The following ZNF280A variants were observed in gnomAD, a reference collection of about 807,000 sequenced individuals.
The protein encoded by ZNF280A is zinc finger protein 280A.
Under a neutral mutation model 35.9 loss-of-function variants are expected in ZNF280A, and 26 were observed. The observed-to-expected ratio is 0.72, with a 90% CI of 0.53 to 1.01. ZNF280A has a LOEUF of 1.01. Among genes scored for constraint, ZNF280A ranks in the 50% least tolerant of loss-of-function variants. The pLI, the probability that ZNF280A is intolerant of heterozygous loss-of-function variation, is 0.00. For synonymous variants in ZNF280A, 231 were observed against 232.9 expected (o/e 0.99, Z 0.07); for missense variants, 654 against 652.0 (o/e 1.00, Z -0.03).
chr22:22,518,282 A>C (rs361830), intron 1 of ZNF280A, among the ~76,000 whole-genome samples: 76,130 of 151,602 alleles, frequency 0.5, 21,306 homozygotes, highest in African/African-American at 0.74. Flanking sequence ...AGCTGACAGC[A>C]CACTAAACTT....
Position 22,515,149 on chromosome 22 carries a change from C to A in ZNF280A, c.482G>T (p.Ser161Ile). The change falls in exon 2 of 2, where the codon AGT becomes ATT. Residue 161 changes from serine to isoleucine, a missense_variant. Transcript: ENST00000302097. ...GGAAAGTCGCTTTGAATCAGGAGAA[C>A]TCTCATTTCTGCCTCCTCCAGAGAC... ...AMVSGGGRNE[S>I]SPDSKRLSTS... 1 of 1,613,904 alleles carries A rather than the reference C, an allele frequency of 6.2e-7. No individual in the cohort carries two copies.
chr22:22,517,586 A>ACCG (rs2062086977), intron 1 of ZNF280A, among the ~76,000 whole-genome samples: 1 of 151,604 alleles, frequency 6.6e-6, no homozygotes, highest in Non-Finnish European at 1.5e-5. Context: ...TCACCTTACC[A>ACCG]CAAGGGATAG....
In ZNF280A at chr22:22,514,148, GAAT is replaced by G. The variant is rs1447147741; in HGVS notation, c.1480_1482del (p.Ile494del). The G allele has an allele frequency of 4.3e-6, 7 of 1,613,876 alleles. No homozygotes were observed. The highest frequency in any genetic ancestry group is 1.3e-5 in the African/African-American group (1 of 74,970). On this transcript the variant is annotated inframe_deletion, in exon 2 of 2. Coordinates refer to ENST00000302097, the MANE Select transcript of ZNF280A (RefSeq NM_080740.5). The stretch of plus-strand genomic sequence containing the variant: ...CTTGATCCTGGCTGAACTGAAGTTT[GAAT>G]AATAACTTTTGTTTCACTAGGCAAC...
At chr22:22,517,169 G>C (rs1377119405) in intron 1 of ZNF280A, among the ~76,000 whole-genome samples, 2 of 151,838 alleles carry the variant, frequency 1.3e-5, no homozygotes, top group Non-Finnish European at 2.9e-5. Flanking sequence ...CACTTTGTAA[G>C]GCCAAGGCGG....
In ZNF280A at chr22:22,514,328, C is replaced by T; in HGVS notation, c.1303G>A (p.Ala435Thr). Residue 435 changes from alanine to threonine, a missense_variant, in exon 2 of 2, where the codon GCA becomes ACA. Ala to Thr is a moderately conservative substitution (Grantham distance 58). Transcript: ENST00000302097. ...CLFCLKLFKT[A>T]IPYMNHCWRH... ...CAACAATGATTCATGTATGGTATTGCAGTTTTGAAAAGTTTGAGACAAAAC... is the reference window on the plus strand; with the variant it reads ...CAACAATGATTCATGTATGGTATTGTAGTTTTGAAAAGTTTGAGACAAAAC... The T allele has an allele frequency of 6.2e-7, 1 of 1,613,914 alleles. No individual in the cohort carries two copies. Among genetic ancestry groups the T allele is most frequent in the Non-Finnish European group, 8.5e-7 (1 of 1,179,978 alleles).
chr22:22,515,115 A>G lies in ZNF280A; in HGVS notation c.516T>C (p.Asp172=), dbSNP rs76383811. The change falls in exon 2 of 2, where the codon GAT becomes GAC. Residue 172 remains aspartate (D), a synonymous_variant. Coordinates refer to ENST00000302097, the MANE Select transcript of ZNF280A (RefSeq NM_080740.5). ...SPDSKRLSTS[D]INSRDSKRVK... ...CCCTTTTGGAATCTCTGCTGTTTATATCTGAAGTGGAAAGTCGCTTTGAAT... is the reference window on the plus strand; with the variant it reads ...CCCTTTTGGAATCTCTGCTGTTTATGTCTGAAGTGGAAAGTCGCTTTGAAT... 3.4e-3 allele frequency: 5,511 copies of G among 1,613,906 alleles called. 197 individuals carry two copies. In the East Asian group the frequency reaches 0.081, roughly 24 times the overall value.
At chr22:22,518,335 C>T (rs2062098632) in intron 1 of ZNF280A, among the ~76,000 whole-genome samples, 1 of 151,906 alleles carries the variant, frequency 6.6e-6, no homozygotes, top group South Asian at 2.1e-4. Context: ...TTTTGGCAAA[C>T]AATGGTTTAA....
In ZNF280A at chr22:22,514,868, T is replaced by C; in HGVS notation, c.763A>G (p.Ile255Val). The change falls in exon 2 of 2, where the codon ATT (isoleucine) becomes GTT (valine). Residue 255 changes from isoleucine to valine, a missense_variant. By Grantham distance (29) the Ile-to-Val change is conservative. Transcript: ENST00000302097. ...ASESALAMTD[I>V]SSLASQNKTF... ...TTGTTTTGACTTGCTAGACTTGAAA[T>C]GTCTGTCATTGCCAGGGCAGACTCA... 1 of 1,613,792 alleles carries C rather than the reference T, an allele frequency of 6.2e-7. No homozygotes were observed. Among genetic ancestry groups the C allele is most frequent in the South Asian group, 1.1e-5 (1 of 91,062 alleles).
chr22:22,514,584 T>G lies in ZNF280A; in HGVS notation c.1047A>C (p.Leu349=). 6.2e-7 allele frequency: 1 copy of G among 1,613,952 alleles called. No individual in the cohort carries two copies. Among genetic ancestry groups the G allele is most frequent in the Admixed American group, 1.7e-5 (1 of 60,000 alleles). The change falls in exon 2 of 2, where the codon CTA becomes CTC. Residue 349 remains leucine (L), a synonymous_variant. Transcript: ENST00000302097. Reference sequence around the variant, plus strand: ...TGTGTACACTATCAATGTGACACTGTAGCTGGAAGGGAGTGGGAAACTGCC... The same window carrying G: ...TGTGTACACTATCAATGTGACACTGGAGCTGGAAGGGAGTGGGAAACTGCC... ...CHRQFPTPFQ[L]QCHIDSVHIA... is the part of the protein sequence containing the mutation.
intron 1 of ZNF280A, among the ~76,000 whole-genome samples, chr22:22,519,676 G>A (rs1383574346): frequency 6.6e-6 from 1 of 151,834 alleles, no homozygotes; most frequent in Non-Finnish European, 1.5e-5. Context: ...GTACCATAAG[G>A]GTTAATTGAA....
chr22:22,514,756 T>C lies in ZNF280A; in HGVS notation c.875A>G (p.Gln292Arg). ...GQHKGDGQPE[Q>R]KTHTTFKCLS... ...GCATTTAAAGGTGGTGTGAGTCTTC[T>C]GTTCCGGCTGCCCATCTCCTTTATG... The change falls in exon 2 of 2, where the codon CAG becomes CGG. Residue 292 changes from glutamine to arginine, a missense_variant. Physicochemically the swap from Gln to Arg is conservative, Grantham distance 43. Coordinates refer to ENST00000302097, the MANE Select transcript of ZNF280A (RefSeq NM_080740.5). 4 of 1,613,960 alleles carry C rather than the reference T, an allele frequency of 2.5e-6. No individual in the cohort carries two copies. Among genetic ancestry groups the C allele is most frequent in the Non-Finnish European group, 3.4e-6 (4 of 1,179,988 alleles).
At chr22:22,518,585 C>T (rs992720045) in intron 1 of ZNF280A, among the ~76,000 whole-genome samples, 65 of 151,266 alleles carry the variant, frequency 4.3e-4, no homozygotes, top group Non-Finnish European at 5.6e-4. Flanking sequence ...CTCAGGAGTT[C>T]GAGACCAGCC....
At chr22:22,516,013 T>C (rs1417031783) in intron 1 of ZNF280A, among the ~76,000 whole-genome samples, 2 of 151,826 alleles carry the variant, frequency 1.3e-5, no homozygotes, top group Non-Finnish European at 2.9e-5. Context: ...AGGTACTCTC[T>C]CAGATGTCTA....
In ZNF280A at chr22:22,519,357, C is replaced by T. The variant is rs375305480; in HGVS notation, c.-72+732G>A. 4.7e-4 allele frequency among the ~76,000 whole-genome samples: 71 copies of T among 151,808 alleles called. 1 individual carries two copies. The East Asian group carries it at 0.01, about 22-fold the overall frequency. ...CTGAGGCAGGAGAATCACTTGAACC[C>T]GGGAGGCGTGGGTTGCAGTGAGCCG... On this transcript the variant is annotated intron_variant, in intron 1 of 1. Transcript: ENST00000302097.
In ZNF280A at chr22:22,515,623, T is replaced by C; in HGVS notation, c.8A>G (p.Asp3Gly). The C allele has an allele frequency of 6.3e-7, 1 of 1,576,856 alleles. No homozygotes were observed. The highest frequency in any genetic ancestry group is 8.6e-7 in the Non-Finnish European group (1 of 1,164,752). The change falls in exon 2 of 2, where the codon GAT (aspartate) becomes GGT (glycine). Residue 3 changes from aspartate (D) to glycine (G), a missense_variant. Physicochemically the swap from Asp to Gly is moderately conservative, Grantham distance 94 (BLOSUM62 -1). Transcript: ENST00000302097. MG[D>G]IFLCKKVESP... is the part of the protein sequence containing the mutation. ...TTCCACTTTCTTACACAAAAAGATA[T>C]CTCCCATTTTCAATTTACTTTTTGC...
chr22:22,518,319 G>C (rs362257), intron 1 of ZNF280A, among the ~76,000 whole-genome samples: 73,392 of 151,698 alleles, frequency 0.48, 19,418 homozygotes, highest in African/African-American at 0.68. Flanking sequence ...ATGGATATCA[G>C]CTACATTTTG....
intron 1 of ZNF280A, among the ~76,000 whole-genome samples, chr22:22,516,366 G>A (rs1377836416): frequency 1.3e-5 from 2 of 151,474 alleles, no homozygotes; most frequent in African/African-American, 2.4e-5. Context: ...CAGTTGCTCA[G>A]TCTACAAACT....
chr22:22,518,074 C>T (rs1392451643), intron 1 of ZNF280A, among the ~76,000 whole-genome samples: 2 of 151,614 alleles, frequency 1.3e-5, no homozygotes, highest in African/African-American at 4.8e-5. Flanking sequence ...TACAGGCGCC[C>T]GCCACCTCGC....
chr22:22,514,736 T>G lies in ZNF280A; in HGVS notation c.895A>C (p.Lys299Gln), dbSNP rs1450803388. The change falls in exon 2 of 2, where the codon AAA becomes CAA. Residue 299 changes from lysine to glutamine, a missense_variant. Physicochemically the swap from Lys to Gln is moderately conservative, Grantham distance 53 (BLOSUM62 1). Coordinates refer to ENST00000302097, the MANE Select transcript of ZNF280A (RefSeq NM_080740.5). ...QPEQKTHTTF[K>Q]CLSCVKVLKN... The stretch of plus-strand genomic sequence containing the variant: ...AGAACTTTCACGCAGCTGAGGCATT[T>G]AAAGGTGGTGTGAGTCTTCTGTTCC... 6.2e-7 allele frequency: 1 copy of G among 1,613,930 alleles called. No individual in the cohort carries two copies. Among genetic ancestry groups the G allele is most frequent in the South Asian group, 1.1e-5 (1 of 91,070 alleles).
Sources: allele counts gnomAD v4.1 joint callset (sites outside exome capture counted in the v4.1 genomes callset), GRCh38; gene constraint gnomAD v4.1.1; transcripts MANE v1.5; gene names NCBI Gene and HGNC (gene_info 2026-07-23, HGNC 2026-07-21).